Variants in ARID2 observed in about 807,000 individuals in gnomAD.
ARID2 encodes the protein AT-rich interaction domain 2.
Under a neutral mutation model 184.6 loss-of-function variants are expected in ARID2, and 32 were observed. The observed-to-expected ratio is 0.17, with a 90% CI of 0.13 to 0.23. The LOEUF is 0.23. Ranked by LOEUF, ARID2 falls within the 10% of genes least tolerant of loss-of-function variation. ARID2 has a pLI of 1.00. For synonymous variants in ARID2, 836 were observed against 772.6 expected (o/e 1.08, Z -1.36); for missense variants, 1,696 against 2,197.6 (o/e 0.77, Z 4.56).
chr12:45,784,285 C>T (rs1942152626), intron 3 of ARID2, among the ~76,000 whole-genome samples: 1 of 152,118 alleles, frequency 6.6e-6, no homozygotes, highest in Non-Finnish European at 1.5e-5. Flanking sequence ...CCTCCTGAGT[C>T]TCTGGAATTA....
intron 6 of ARID2, among the ~76,000 whole-genome samples, chr12:45,827,407 A>G (rs1943023576): frequency 6.6e-6 from 1 of 152,152 alleles, no homozygotes; most frequent in Non-Finnish European, 1.5e-5. Context: ...TTGGTAAAAT[A>G]TTTTGTACAT....
chr12:45,905,529 A>ATT lies in ARID2; in HGVS notation c.*451_*452insTT. ...TTTAAGCTGGTTTGAATAATTTAAAAAAGTTTCAGCACACCTATACCCCCG... is the reference window on the plus strand; with the variant it reads ...TTTAAGCTGGTTTGAATAATTTAAAATTAAGTTTCAGCACACCTATACCCCCG... On this transcript the variant is annotated 3_prime_UTR_variant, in exon 21 of 21. Coordinates refer to ENST00000334344, the MANE Select transcript of ARID2 (RefSeq NM_152641.4). 1 of 233,500 alleles carries ATT rather than the reference A, an allele frequency of 4.3e-6. No homozygotes were observed. Among genetic ancestry groups the ATT allele is most frequent in the Non-Finnish European group, 8.5e-6 (1 of 117,960 alleles). The allele number at this position is 233,500 out of a possible 1,614,324, so 14.5% of individuals were successfully genotyped here.
intron 16 of ARID2, among the ~76,000 whole-genome samples, chr12:45,876,259 CAT>C (rs1565634423): frequency 6.6e-6 from 1 of 152,140 alleles, no homozygotes; most frequent in Non-Finnish European, 1.5e-5. Context: ...TCAAAAGACA[CAT>C]AACATTTGGC....
chr12:45,901,874 C>T (rs1944464864), intron 20 of ARID2, among the ~76,000 whole-genome samples: 1 of 152,050 alleles, frequency 6.6e-6, no homozygotes, highest in Non-Finnish European at 1.5e-5. Flanking sequence ...GAGGGTGTCT[C>T]ACTATATTGC....
chr12:45,783,460 T>C (rs1340788167), intron 3 of ARID2, among the ~76,000 whole-genome samples: 2 of 152,192 alleles, frequency 1.3e-5, no homozygotes, highest in Admixed American at 1.3e-4. Flanking sequence ...TTATGCTCAA[T>C]GGTGAAATGT....
intron 10 of ARID2, among the ~76,000 whole-genome samples, chr12:45,838,562 C>G (rs1943264189): frequency 6.6e-6 from 1 of 151,996 alleles, no homozygotes; most frequent in Non-Finnish European, 1.5e-5. Context: ...GAGCACAGTT[C>G]AAGATTACCC....
chr12:45,760,159 A>T (rs924571384), intron 3 of ARID2, among the ~76,000 whole-genome samples: 1 of 152,130 alleles, frequency 6.6e-6, no homozygotes, highest in South Asian at 2.1e-4. Context: ...TAATATTTTT[A>T]AAGCTCTCTT....
At chr12:45,798,769 G>T (rs1942439114) in intron 3 of ARID2, among the ~76,000 whole-genome samples, 1 of 151,986 alleles carries the variant, frequency 6.6e-6, no homozygotes, top group African/African-American at 2.4e-5. Context: ...AATTGTAATG[G>T]TTCTACTTAT....
intron 3 of ARID2, among the ~76,000 whole-genome samples, chr12:45,757,447 G>A (rs1157180818): frequency 3.3e-5 from 5 of 152,248 alleles, no homozygotes; most frequent in Admixed American, 2.0e-4. Flanking sequence ...AAATGTTGCC[G>A]TCAGTACACA....
rs368710956 is a variant in ARID2 at position 45,851,886 on chromosome 12, G to C, written c.3763G>C (p.Gly1255Arg). The C allele has an allele frequency of 5.0e-6, 8 of 1,614,070 alleles. No individual in the cohort carries two copies. The highest frequency in any genetic ancestry group is 5.9e-6 in the Non-Finnish European group (7 of 1,180,026). ...QKEEEAKEATGLHVHERKIEV... is the reference protein window; with the variant it reads ...QKEEEAKEATRLHVHERKIEV... ...GGAGGAGGAAGCAAAGGAAGCAACA[G>C]GTTTACATGTTCATGAACGTAAAAT... The change falls in exon 15 of 21, where the codon GGT becomes CGT. Residue 1255 changes from glycine (G) to arginine (R), a missense_variant. Physicochemically the swap from Gly to Arg is moderately radical, Grantham distance 125. Around this residue, in one of 11 missense-constraint regions of ARID2, gnomAD observed 428 missense variants for 409.1 expected, o/e 1.05. Coordinates refer to ENST00000334344, the MANE Select transcript of ARID2 (RefSeq NM_152641.4).
rs2138165386 is a variant in ARID2 at position 45,850,821 on chromosome 12, C to T, written c.2698C>T (p.Pro900Ser). ...RVGFQNIAPK[P>S]LPSQQVSSTV... ...AGGGTTTCAGAACATTGCACCAAAA[C>T]CTCTCCCTTCTCAGCAAGTTTCATC... Residue 900 changes from proline (P) to serine (S), a missense_variant, in exon 15 of 21, where the codon CCT becomes TCT. Coordinates refer to ENST00000334344, the MANE Select transcript of ARID2 (RefSeq NM_152641.4). 1 of 1,614,094 alleles carries T rather than the reference C, an allele frequency of 6.2e-7. No individual in the cohort carries two copies. Among genetic ancestry groups the T allele is most frequent in the Non-Finnish European group, 8.5e-7 (1 of 1,180,014 alleles).
intron 3 of ARID2, among the ~76,000 whole-genome samples, chr12:45,759,283 TG>T (rs1187233202): frequency 6.6e-6 from 1 of 152,166 alleles, no homozygotes; most frequent in Admixed American, 6.5e-5. Context: ...GTTTTTAAAT[TG>T]GTGATATGTA....
intron 20 of ARID2, among the ~76,000 whole-genome samples, chr12:45,903,538 G>A (rs919904568): frequency 2.0e-5 from 3 of 152,044 alleles, no homozygotes; most frequent in Admixed American, 6.6e-5. Context: ...AGTGTGTGAT[G>A]GTATGTATAT....
intron 3 of ARID2, among the ~76,000 whole-genome samples, chr12:45,807,751 A>T (rs1002043855): frequency 6.6e-6 from 1 of 152,204 alleles, no homozygotes; most frequent in Non-Finnish European, 1.5e-5. Flanking sequence ...GATCAGTTTT[A>T]AAATTTCCAT....
intron 3 of ARID2, among the ~76,000 whole-genome samples, chr12:45,810,041 G>A (rs1942675652): frequency 6.6e-6 from 1 of 152,092 alleles, no homozygotes; most frequent in Non-Finnish European, 1.5e-5. Context: ...AGCTCCAAAT[G>A]GACTAAGCAC....
rs757860388 is a variant in ARID2, at chr12:45,729,947, G to A, written c.92+19G>A. 2.5e-6 allele frequency: 4 copies of A among 1,604,242 alleles called. No homozygotes were observed. The highest frequency in any genetic ancestry group is 3.4e-6 in the Non-Finnish European group (4 of 1,175,176). ...GCAGAGGGTGAGAGCAGAACCGGGGGGGCAGCGCCGGGGCGAGCCGGGGCG... is the reference window on the plus strand; with the variant it reads ...GCAGAGGGTGAGAGCAGAACCGGGGAGGCAGCGCCGGGGCGAGCCGGGGCG... On this transcript the variant is annotated intron_variant, in intron 1 of 20. Transcript: ENST00000334344.
At chr12:45,775,876 G>T (rs1941967493) in intron 3 of ARID2, among the ~76,000 whole-genome samples, 1 of 152,226 alleles carries the variant, frequency 6.6e-6, no homozygotes, top group Non-Finnish European at 1.5e-5. Flanking sequence ...GTAATTTCTA[G>T]CTGGTAAACT....
intron 16 of ARID2, among the ~76,000 whole-genome samples, chr12:45,871,375 T>C (rs979547211): frequency 6.6e-6 from 1 of 152,222 alleles, no homozygotes; most frequent in East Asian, 1.9e-4. Context: ...TATGATCATA[T>C]GATTTTTATT....
Position 45,839,592 on chromosome 12 carries a change from T to C in ARID2, c.1498+96T>C, listed in dbSNP as rs1001158801. On this transcript the variant is annotated intron_variant, in intron 11 of 20. Coordinates refer to ENST00000334344, the MANE Select transcript of ARID2 (RefSeq NM_152641.4). ...CAATGTGCAGTATAGAGAACTGATA[T>C]TTTACAGTATAGTAGGCCAAAGTGG... 9.2e-6 allele frequency: 13 copies of C among 1,406,978 alleles called. No individual in the cohort carries two copies. The African/African-American group carries it at 1.3e-4, about 14-fold the overall frequency. The allele number at this position is 1,406,978 out of a possible 1,614,324, so 87.2% of individuals were successfully genotyped here. A position where few individuals can be genotyped will look rare whatever the true frequency, so the allele number is the denominator to read the frequency against.
Sources: gnomAD v4.1 joint callset for allele counts (sites outside exome capture counted in the v4.1 genomes callset) on GRCh38, gnomAD v4.1.1 for gene constraint, gnomAD v4.1.1 regional missense constraint, MANE v1.5 for transcripts, NCBI Gene and HGNC (gene_info 2026-07-23, HGNC 2026-07-21) for gene names.